The following MUC5AC variants were observed in gnomAD, a reference collection of about 807,000 sequenced individuals.
MUC5AC encodes mucin-5AC.
MUC5AC carries 158 observed loss-of-function variants against 169.7 expected under a neutral mutation model. That is an observed-to-expected ratio of 0.93 (90% CI 0.82 to 1.06). MUC5AC has a LOEUF of 1.06. MUC5AC is among the 50% of genes least tolerant of loss of function. The pLI is 0.00. For missense variants in MUC5AC, 4,359 were observed against 3,089.9 expected (o/e 1.41, Z -9.74); for synonymous variants, 1,975 against 1,237.0 (o/e 1.60, Z -12.52).
rs759368667 is a variant in MUC5AC at position 1,164,301 on chromosome 11, C to T, written c.985C>T (p.Arg329Trp). ...TGCAGGGGGGTTGCCCCAGGACTGGCGGGGCCCTGACTTCTGCCGTGAGTG... is the reference window on the plus strand; with the variant it reads ...TGCAGGGGGGTTGCCCCAGGACTGGTGGGGCCCTGACTTCTGCCGTGAGTG... ...THAGGLPQDW[R>W]GPDFCPQKCP... The change falls in exon 8 of 49, where the codon CGG becomes TGG. Residue 329 changes from arginine (R) to tryptophan (W), a missense_variant. Physicochemically the swap from Arg to Trp is moderately radical, Grantham distance 101 (BLOSUM62 -3). Coordinates refer to ENST00000621226, the MANE Select transcript of MUC5AC (RefSeq NM_001304359.2). 23 of 1,612,092 alleles carry T rather than the reference C, an allele frequency of 1.4e-5. No homozygotes were observed. The highest frequency in any genetic ancestry group is 3.3e-5 in the Admixed American group (2 of 60,000).
intron 42 of MUC5AC, 33 bp from the exon 43 acceptor site, chr11:1,198,235 G>T (rs369849232): frequency 5.4e-6 from 4 of 739,508 alleles, no homozygotes; most frequent in Admixed American, 1.8e-5. Flanking sequence ...AGTGGGCGGC[G>T]GGGGGTGCAG....
At chr11:1,174,432 G>T in intron 16 of MUC5AC, 64 bp from the exon 17 acceptor site, 2 of 1,019,574 alleles carry the variant, frequency 2.0e-6, no homozygotes, top group African/African-American at 1.6e-5. Context: ...TGGCCTGCAG[G>T]GCGTGGGGGG....
At position 1,189,843 on chromosome 11, in the gene MUC5AC, C is replaced by G. The variant is rs1861046610; in HGVS notation, c.11698C>G (p.Gln3900Glu). 1 of 759,062 alleles carries G rather than the reference C, an allele frequency of 1.3e-6. No individual in the cohort carries two copies. Among genetic ancestry groups the G allele is most frequent in the African/African-American group, 1.7e-5 (1 of 58,892 alleles). The allele number at this position is 759,062 out of a possible 1,614,324, so 47.0% of individuals were successfully genotyped here. Residue 3900 changes from glutamine (Q) to glutamate (E), a missense_variant, in exon 31 of 49, where the codon CAG becomes GAG. By Grantham distance (29) the Gln-to-Glu change is conservative (BLOSUM62 2). Coordinates refer to ENST00000621226, the MANE Select transcript of MUC5AC (RefSeq NM_001304359.2). ...PPTSSTSSTP[Q>E]TSKTSAATSS... ...TACAAGCAGCACAAGCTCCACTCCA[C>G]AGACCAGCAAAACCTCAGCTGCTAC... is the stretch of plus-strand genomic sequence containing the variant.
intron 42 of MUC5AC, 63 bp from the exon 43 acceptor site, chr11:1,198,204 GA>G (rs1861333792): frequency 1.4e-6 from 1 of 717,342 alleles, no homozygotes; most frequent in Non-Finnish European, 2.5e-6. Context: ...GCAGGGGCGG[GA>G]ATGCTGAGGG....
intron 11 of MUC5AC, 148 bp from the exon 12 acceptor site, chr11:1,167,729 C>A: frequency 1.5e-6 from 1 of 676,582 alleles, no homozygotes; most frequent in Non-Finnish European, 2.5e-6. Context: ...CACCTGGGGG[C>A]CTCCTAGCAC....
intron 36 of MUC5AC, 147 bp from the exon 37 acceptor site, chr11:1,195,729 T>G: frequency 3.2e-6 from 1 of 312,954 alleles, no homozygotes; most frequent in Non-Finnish European, 6.1e-6. Flanking sequence ...AAGGAGCCCG[T>G]CCGGGGATAC....
intron 15 of MUC5AC, among the ~76,000 whole-genome samples, chr11:1,170,864 C>A (rs1395272538): frequency 5.4e-5 from 8 of 147,596 alleles, no homozygotes; most frequent in Non-Finnish European, 1.2e-4. Flanking sequence ...CAACCATTCA[C>A]TCGCCTATTC....
chr11:1,158,526 G>A (rs145546806), intron 1 of MUC5AC, among the ~76,000 whole-genome samples: 5 of 152,170 alleles, frequency 3.3e-5, no homozygotes, highest in Non-Finnish European at 7.4e-5. Context: ...GATCTCCTGC[G>A]GGGGGAGGTC....
At chr11:1,172,546 C>T (rs1860573269) in intron 16 of MUC5AC, 23 bp downstream of exon 16, 1 of 398,520 alleles carries the variant, frequency 2.5e-6, no homozygotes, top group South Asian at 1.3e-4. Context: ...GCCTCTTGGC[C>T]CGGTGGGGCT....
intron 3 of MUC5AC, 133 bp downstream of exon 3, chr11:1,161,719 G>A (rs1257784549): frequency 3.1e-6 from 4 of 1,295,328 alleles, no homozygotes; most frequent in Non-Finnish European, 4.2e-6. Flanking sequence ...GGAGCCAGAG[G>A]GCCCAGCATC....
chr11:1,197,842 G>T (rs1861318270), intron 41 of MUC5AC, 61 bp from the exon 42 acceptor site: 2 of 682,224 alleles, frequency 2.9e-6, no homozygotes, highest in African/African-American at 1.8e-5. Context: ...GACCCCAGGG[G>T]GTGGGCCTTC....
Position 1,186,465 on chromosome 11 carries a change from T to C in MUC5AC, c.8320T>C (p.Ser2774Pro). Residue 2774 changes from serine (S) to proline (P), a missense_variant, in exon 31 of 49, where the codon TCT becomes CCT. By Grantham distance (74) the Ser-to-Pro change is moderately conservative. Transcript: ENST00000621226. ...TTSATTTSTT[S>P]ATTTSTISAP... ...CTCTGCGACTACAACCAGCACAACCTCTGCTACTACAACCAGCACAATCTC... is the reference window on the plus strand; with the variant it reads ...CTCTGCGACTACAACCAGCACAACCCCTGCTACTACAACCAGCACAATCTC... The C allele has an allele frequency of 1.4e-6, 1 of 697,614 alleles. No individual in the cohort carries two copies. Among genetic ancestry groups the C allele is most frequent in the East Asian group, 2.7e-5 (1 of 37,322 alleles). 43.2% of individuals were successfully genotyped at this position (697,614 alleles called of 1,614,324 possible).
In MUC5AC at chr11:1,183,381, C is replaced by T. The variant is rs1261424741; in HGVS notation, c.5236C>T (p.Arg1746Trp). The T allele has an allele frequency of 4.7e-5, 29 of 610,912 alleles. No homozygotes were observed. Among genetic ancestry groups the T allele is most frequent in the African/African-American group, 2.0e-4 (9 of 45,388 alleles). 37.8% of individuals were successfully genotyped at this position (610,912 alleles called of 1,614,324 possible). ...TTLVTRNCHP[R>W]CTWTKWFDVD... ...ACTAGTCACCAGAAACTGTCATCCC[C>T]GGTGCACCTGGACAAAGTGGTTCGA... is the stretch of plus-strand genomic sequence containing the variant. The change falls in exon 31 of 49, where the codon CGG becomes TGG. Residue 1746 changes from arginine (R) to tryptophan (W), a missense_variant. Coordinates refer to ENST00000621226, the MANE Select transcript of MUC5AC (RefSeq NM_001304359.2).
Position 1,188,960 on chromosome 11 carries a change from C to G in MUC5AC, c.10815C>G (p.Phe3605Leu). 1 of 709,326 alleles carries G rather than the reference C, an allele frequency of 1.4e-6. No homozygotes were observed. The highest frequency in any genetic ancestry group is 2.6e-6 in the Non-Finnish European group (1 of 391,514). The allele number at this position is 709,326 out of a possible 1,614,324, so 43.9% of individuals were successfully genotyped here. A position where few individuals can be genotyped will look rare whatever the true frequency, so the allele number is the denominator to read the frequency against. ...GGAACCAGGACCAGCAGGGACCCTT[C>G]AAGATGTGCCTCAACTACGAGGTGC... ...VCRNQDQQGP[F>L]KMCLNYEVRV... Residue 3605 changes from phenylalanine to leucine, a missense_variant, in exon 31 of 49, where the codon TTC becomes TTG. Phe to Leu is a conservative substitution (Grantham distance 22). Coordinates refer to ENST00000621226, the MANE Select transcript of MUC5AC (RefSeq NM_001304359.2).
intron 33 of MUC5AC, 96 bp from the exon 34 acceptor site, chr11:1,194,014 G>C: frequency 1.4e-6 from 1 of 701,922 alleles, no homozygotes; most frequent in African/African-American, 1.8e-5. Context: ...GAGACGGTGG[G>C]GGGTCAGGGA....
Position 1,168,722 on chromosome 11 carries a change from G to C in MUC5AC, c.1648G>C (p.Val550Leu). Residue 550 changes from valine (V) to leucine (L), a missense_variant, in exon 14 of 49, where the codon GTG becomes CTG. Val to Leu is a conservative substitution (Grantham distance 32). Coordinates refer to ENST00000621226, the MANE Select transcript of MUC5AC (RefSeq NM_001304359.2). ...GGGCCTGCAGCTGAACCTGCAGCTGGTGCCCACCATGCAGCTGTTCATGCA... is the reference window on the plus strand; with the variant it reads ...GGGCCTGCAGCTGAACCTGCAGCTGCTGCCCACCATGCAGCTGTTCATGCA... ...SLGLQLNLQL[V>L]PTMQLFMQLA... The C allele has an allele frequency of 5.6e-6, 9 of 1,610,380 alleles. No individual in the cohort carries two copies. Among genetic ancestry groups the C allele is most frequent in the Non-Finnish European group, 7.6e-6 (9 of 1,177,954 alleles).
At chr11:1,173,972 TACTC>T (rs1406324834) in intron 16 of MUC5AC, among the ~76,000 whole-genome samples, 1 of 151,014 alleles carries the variant, frequency 6.6e-6, no homozygotes, top group African/African-American at 2.4e-5. Context: ...TTCACTCATT[TACTC>T]ACTAATTCCT....
chr11:1,188,405 C>T lies in MUC5AC; in HGVS notation c.10260C>T (p.Ser3420=). 2 of 631,548 alleles carry T rather than the reference C, an allele frequency of 3.2e-6. No homozygotes were observed. The highest frequency in any genetic ancestry group is 3.4e-5 in the South Asian group (2 of 59,098). The allele number at this position is 631,548 out of a possible 1,614,324, so 39.1% of individuals were successfully genotyped here. Residue 3420 remains serine, a synonymous_variant, in exon 31 of 49, where the codon AGC becomes AGT. Coordinates refer to ENST00000621226, the MANE Select transcript of MUC5AC (RefSeq NM_001304359.2). ...PTSSTTSAPT[S]STISARTTSI... ...GCAGCACAACCTCGGCTCCTACAAG[C>T]AGCACAATCTCTGCTCGTACAACCA...
At position 1,189,230 on chromosome 11, in the gene MUC5AC, CACA is replaced by C; in HGVS notation, c.11088_11090del (p.Thr3697del). 1 of 599,472 alleles carries C rather than the reference CACA, an allele frequency of 1.7e-6. No homozygotes were observed. Among genetic ancestry groups the C allele is most frequent in the Non-Finnish European group, 3.0e-6 (1 of 337,168 alleles). The allele number at this position is 599,472 out of a possible 1,614,324, so 37.1% of individuals were successfully genotyped here. On this transcript the variant is annotated inframe_deletion, in exon 31 of 49. Transcript: ENST00000621226. ...GCACAACCTCTGCCCCAACAACCAGCACAACCTCTGCTCCCACAACGAGCACAA... is the reference window on the plus strand; with the variant it reads ...GCACAACCTCTGCCCCAACAACCAGCACCTCTGCTCCCACAACGAGCACAA...
Sources: gnomAD v4.1 joint callset for allele counts (sites outside exome capture counted in the v4.1 genomes callset) on GRCh38, gnomAD v4.1.1 for gene constraint, MANE v1.5 for transcripts, NCBI Gene and HGNC (gene_info 2026-07-23, HGNC 2026-07-21) for gene names.